Variants in MYO1E observed in about 807,000 individuals in gnomAD.
MYO1E encodes unconventional myosin-Ie.
In MYO1E, 68 loss-of-function variants were observed where a neutral mutation model predicts 151.1. The observed-to-expected ratio is 0.45, with a 90% CI of 0.37 to 0.55. The LOEUF is 0.55. Among genes scored for constraint, MYO1E ranks in the 20% least tolerant of loss-of-function variants. The probability of loss-of-function intolerance (pLI) is 0.00; values close to 1 mark genes in which losing one functional copy is unlikely to be tolerated. For synonymous variants in MYO1E, 601 were observed against 501.7 expected, an observed-to-expected ratio of 1.20 and a Z score of -2.64; for missense variants, 1,363 against 1,389.3, an observed-to-expected ratio of 0.98 and a Z score of 0.30.
chr15:59,160,960 CAGA>C (rs1358898558), intron 24 of MYO1E, 110 bp downstream of exon 24: 41 of 1,386,134 alleles, frequency 3.0e-5, no homozygotes, highest in South Asian at 1.6e-4. Flanking sequence ...CCCCAGCAAG[CAGA>C]AGGTGTACTG....
At chr15:59,262,115 G>C (rs1445147661) in intron 2 of MYO1E, among the ~76,000 whole-genome samples, 1 of 152,030 alleles carries the variant, frequency 6.6e-6, no homozygotes, top group African/African-American at 2.4e-5. Flanking sequence ...GCTGAGGCAG[G>C]AGAATCGTCT....
Position 59,207,168 on chromosome 15 carries a change from A to T in MYO1E, c.1530+1513T>A, listed in dbSNP as rs747065467. 4 of 1,614,182 alleles carry T rather than the reference A, an allele frequency of 2.5e-6. No homozygotes were observed. In the East Asian group the frequency reaches 6.7e-5, roughly 27 times the overall value. On this transcript the variant is annotated intron_variant, in intron 14 of 27. Transcript: ENST00000288235. ...ATCACAGTAAGGTCTCCATCATAGG[A>T]ACTGGATCGGTGGGCATGGCCTGCG... is the stretch of plus-strand genomic sequence containing the variant.
At chr15:59,308,419 C>T (rs1201579842) in intron 1 of MYO1E, among the ~76,000 whole-genome samples, 1 of 151,978 alleles carries the variant, frequency 6.6e-6, no homozygotes, top group East Asian at 1.9e-4. Context: ...CGCCTGTAAT[C>T]CCAGCACTTT....
intron 23 of MYO1E, 123 bp downstream of exon 23, chr15:59,163,034 G>T: frequency 8.9e-7 from 1 of 1,129,140 alleles, no homozygotes; most frequent in Non-Finnish European, 1.3e-6. Context: ...GGTTCCACTG[G>T]GGCCAGCCAG....
intron 25 of MYO1E, among the ~76,000 whole-genome samples, chr15:59,156,518 G>C (rs994998260): frequency 5.3e-5 from 8 of 152,264 alleles, no homozygotes; most frequent in African/African-American, 1.9e-4. Context: ...TTGTAGAGAT[G>C]GGGTTTTGCT....
chr15:59,174,014 A>G, intron 20 of MYO1E, 99 bp from the exon 21 acceptor site: 2 of 1,512,286 alleles, frequency 1.3e-6, no homozygotes, highest in Non-Finnish European at 1.8e-6. Flanking sequence ...AAATGATGCA[A>G]TATTTTTAGC....
At chr15:59,206,733 C>G (rs2079836544) in intron 14 of MYO1E, 3 of 559,258 alleles carry the variant, frequency 5.4e-6, no homozygotes, top group Non-Finnish European at 3.1e-6. Flanking sequence ...AGAGAAGCAG[C>G]CCTTCACTGC....
At chr15:59,183,991 G>A (rs539356957) in intron 18 of MYO1E, among the ~76,000 whole-genome samples, 160 of 152,174 alleles carry the variant, frequency 1.1e-3, no homozygotes, top group Middle Eastern at 3.4e-3. Flanking sequence ...CAATTCCATC[G>A]TGTTGTTGCA....
chr15:59,318,659 T>C (rs1050819635), intron 1 of MYO1E, among the ~76,000 whole-genome samples: 4 of 152,250 alleles, frequency 2.6e-5, no homozygotes, highest in Admixed American at 6.5e-5. Context: ...TAGAGAGTAG[T>C]AGAAGCCTAC....
intron 23 of MYO1E, among the ~76,000 whole-genome samples, chr15:59,162,278 C>T (rs2079541990): frequency 6.6e-6 from 1 of 152,086 alleles, no homozygotes; most frequent in Non-Finnish European, 1.5e-5. Context: ...AACTCTTACT[C>T]AGCAAATATG....
At chr15:59,255,598 G>A (rs1315997045) in intron 4 of MYO1E, among the ~76,000 whole-genome samples, 5 of 151,974 alleles carry the variant, frequency 3.3e-5, no homozygotes, top group African/African-American at 1.2e-4. Context: ...AGCACTTAAG[G>A]CAGGAGTATC....
intron 18 of MYO1E, among the ~76,000 whole-genome samples, chr15:59,185,140 AT>A (rs1213943554): frequency 7.9e-5 from 12 of 151,650 alleles, no homozygotes; most frequent in Non-Finnish European, 1.5e-5. Context: ...GGATTATTAG[AT>A]TTTTTCCCCA....
intron 1 of MYO1E, among the ~76,000 whole-genome samples, chr15:59,316,402 G>A (rs2080589233): frequency 6.6e-6 from 1 of 152,100 alleles, no homozygotes; most frequent in African/African-American, 2.4e-5. Context: ...CAGACTGGAG[G>A]CCAAAATGCT....
chr15:59,236,335 GA>G (rs1185839050), intron 5 of MYO1E, among the ~76,000 whole-genome samples: 69 of 118,726 alleles, frequency 5.8e-4, no homozygotes, highest in Middle Eastern at 4.8e-3. Context: ...AACAGAGCAA[GA>G]CTCTGTCTCA....
intron 6 of MYO1E, 105 bp downstream of exon 6, chr15:59,231,597 G>C: frequency 5.0e-6 from 6 of 1,209,746 alleles, no homozygotes; most frequent in Non-Finnish European, 7.3e-6. Context: ...GTGGCCTCCT[G>C]ATGATATGTG....
intron 26 of MYO1E, among the ~76,000 whole-genome samples, chr15:59,150,668 A>G (rs1291989081): frequency 6.6e-6 from 1 of 151,986 alleles, no homozygotes; most frequent in Non-Finnish European, 1.5e-5. Context: ...AATCCCATAA[A>G]CCTAACAGCA....
intron 23 of MYO1E, among the ~76,000 whole-genome samples, chr15:59,161,531 G>A (rs2079538499): frequency 1.3e-5 from 2 of 152,208 alleles, no homozygotes; most frequent in African/African-American, 4.8e-5. Context: ...AGAGGCGCCT[G>A]CTGAGGGGAC....
intron 1 of MYO1E, among the ~76,000 whole-genome samples, chr15:59,340,800 G>C (rs145602555): frequency 0.023 from 3,529 of 151,956 alleles, 136 homozygotes; most frequent in African/African-American, 0.079. Context: ...GAGGCGGGAG[G>C]ATCACGAGGT....
intron 4 of MYO1E, among the ~76,000 whole-genome samples, chr15:59,252,761 C>T (rs1347451182): frequency 1.4e-4 from 21 of 150,098 alleles, no homozygotes; most frequent in Non-Finnish European, 3.0e-4. Context: ...GTGGTGCATG[C>T]CTTAACCCCA....
Sources: allele counts gnomAD v4.1 joint callset (sites outside exome capture counted in the v4.1 genomes callset), GRCh38; gene constraint gnomAD v4.1.1; transcripts MANE v1.5; gene names NCBI Gene and HGNC (gene_info 2026-07-23, HGNC 2026-07-21).